The following MAGI1 variants were observed in gnomAD, a reference collection of about 807,000 sequenced individuals.
The protein encoded by MAGI1 is membrane-associated guanylate kinase, WW and PDZ domain-containing protein 1.
A neutral mutation model predicts 139.9 loss-of-function variants in MAGI1; 58 were observed. The observed-to-expected ratio is 0.41, with a 90% CI of 0.34 to 0.52. The LOEUF (loss-of-function observed/expected upper bound fraction) is 0.52, where lower values mean the gene tolerates loss of function less well. MAGI1 is among the 20% of genes least tolerant of loss of function. MAGI1 has a pLI of 0.12. For missense variants in MAGI1, 1,874 were observed against 1,901.6 expected (o/e 0.99, Z 0.27); for synonymous variants, 812 against 737.9 (o/e 1.10, Z -1.63).
At chr3:65,883,602 A>C (rs1400328656) in intron 1 of MAGI1, among the ~76,000 whole-genome samples, 2 of 152,228 alleles carry the variant, frequency 1.3e-5, no homozygotes, top group African/African-American at 4.8e-5. Context: ...ATTAATATTC[A>C]CAAGTTTCAG....
rs774033144 is a variant in MAGI1 at position 65,375,822 on chromosome 3, T to C, written c.3119A>G (p.Asn1040Ser). ...GTTCACAATGTCTGAATGGGATTTG[T>C]TGGTGATGGAACATCCATTTACTGC... is the stretch of plus-strand genomic sequence containing the variant. ...ILAVNGCSITNKSHSDIVNLI... is the reference protein window; with the variant it reads ...ILAVNGCSITSKSHSDIVNLI... Residue 1040 changes from asparagine to serine, a missense_variant, in exon 18 of 23, where the codon AAC (asparagine) becomes AGC (serine). Physicochemically the swap from Asn to Ser is conservative, Grantham distance 46. Transcript: ENST00000402939. 4 of 1,614,134 alleles carry C rather than the reference T, an allele frequency of 2.5e-6. No homozygotes were observed. The highest frequency in any genetic ancestry group is 2.2e-5 in the East Asian group (1 of 44,880).
chr3:65,815,266 A>AAC (rs1170366225), intron 1 of MAGI1, among the ~76,000 whole-genome samples: 1 of 152,226 alleles, frequency 6.6e-6, no homozygotes, highest in Non-Finnish European at 1.5e-5. Flanking sequence ...GCCTGGGGCC[A>AAC]ACACACGGTT....
At chr3:65,929,775 C>T (rs1311841996) in intron 1 of MAGI1, among the ~76,000 whole-genome samples, 1 of 152,028 alleles carries the variant, frequency 6.6e-6, no homozygotes, top group Non-Finnish European at 1.5e-5. Flanking sequence ...AACAAAAGGG[C>T]CTCAAAGAGC....
intron 2 of MAGI1, among the ~76,000 whole-genome samples, chr3:65,590,577 G>T (rs2081923126): frequency 6.6e-6 from 1 of 152,254 alleles, no homozygotes; most frequent in African/African-American, 2.4e-5. Context: ...CCCTTTTAAA[G>T]GAGATGTACT....
At chr3:65,620,718 ACCT>A (rs1250330549) in intron 2 of MAGI1, among the ~76,000 whole-genome samples, 1 of 152,120 alleles carries the variant, frequency 6.6e-6, no homozygotes. Context: ...CATCATCACA[ACCT>A]CCTCTCCGTC....
chr3:66,012,911 T>C (rs1207330432), intron 1 of MAGI1, among the ~76,000 whole-genome samples: 1 of 152,174 alleles, frequency 6.6e-6, no homozygotes, highest in Non-Finnish European at 1.5e-5. Flanking sequence ...CCATCCCCAT[T>C]TCCTCTAGGG....
intron 12 of MAGI1, among the ~76,000 whole-genome samples, chr3:65,427,467 G>A (rs897916952): frequency 6.6e-6 from 1 of 152,116 alleles, no homozygotes; most frequent in African/African-American, 2.4e-5. Context: ...TGAATCTAAT[G>A]GGATAATAAA....
intron 1 of MAGI1, among the ~76,000 whole-genome samples, chr3:65,945,039 A>G (rs1356683771): frequency 1.3e-5 from 2 of 152,212 alleles, no homozygotes; most frequent in African/African-American, 4.8e-5. Context: ...ATGAAAAGCA[A>G]CAAGGAAATT....
In MAGI1 at chr3:65,458,805, T is replaced by G. The variant is rs145122385; in HGVS notation, c.960-5465A>C. On this transcript the variant is annotated intron_variant, in intron 5 of 22. Coordinates refer to ENST00000402939, the MANE Select transcript of MAGI1 (RefSeq NM_001033057.2). ...TTTTCTGTGCAGAAGCTTTTTAACT[T>G]GATGTGATCCCATTTGTCCATTTTG... 4.8e-3 allele frequency among the ~76,000 whole-genome samples: 734 copies of G among 152,292 alleles called. 4 individuals are homozygous for G. Among genetic ancestry groups the G allele is most frequent in the African/African-American group, 0.017 (704 of 41,568 alleles).
chr3:65,695,960 C>T (rs967169934), intron 1 of MAGI1, among the ~76,000 whole-genome samples: 6 of 152,186 alleles, frequency 3.9e-5, no homozygotes, highest in African/African-American at 1.4e-4. Flanking sequence ...GCCAGAATGA[C>T]CCTCCCAAAG....
chr3:65,798,827 GT>G lies in MAGI1; in HGVS notation c.314-176740del, dbSNP rs2040325199. On this transcript the variant is annotated intron_variant, in intron 1 of 22. Transcript: ENST00000402939. ...TAAATCATGCACCGTCCTGAGTGAT[GT>G]GATGAAATCTCTCACCATTCCACTG... is the stretch of plus-strand genomic sequence containing the variant. Among the ~76,000 whole-genome samples the G allele has an allele frequency of 2.0e-5, 3 of 152,312 alleles. No homozygotes were observed. In the South Asian group the frequency reaches 6.2e-4, roughly 32 times the overall value.
intron 1 of MAGI1, among the ~76,000 whole-genome samples, chr3:65,921,785 T>C (rs537115066): frequency 1.1e-4 from 17 of 151,810 alleles, no homozygotes; most frequent in Non-Finnish European, 2.2e-4. Flanking sequence ...TAGTAAAAGT[T>C]AAAGGAACAC....
At chr3:65,628,745 T>C (rs1016805077) in intron 1 of MAGI1, among the ~76,000 whole-genome samples, 1 of 152,162 alleles carries the variant, frequency 6.6e-6, no homozygotes, top group Non-Finnish European at 1.5e-5. Flanking sequence ...ACTAACTCTT[T>C]TCTGCACATT....
At position 65,852,115 on chromosome 3, in the gene MAGI1, C is replaced by G. The variant is rs545969421; in HGVS notation, c.313+185881G>C. On this transcript the variant is annotated intron_variant, in intron 1 of 22. Coordinates refer to ENST00000402939, the MANE Select transcript of MAGI1 (RefSeq NM_001033057.2). ...CAAACCAGGAAGATATCTGGTAGGG[C>G]TGTAAACAGCCTAAATACCAAGCAA... 2.0e-5 allele frequency among the ~76,000 whole-genome samples: 3 copies of G among 152,314 alleles called. No individual in the cohort carries two copies. In the East Asian group the frequency reaches 5.8e-4, roughly 29 times the overall value.
At chr3:65,749,352 GT>G (rs2035956184) in intron 1 of MAGI1, among the ~76,000 whole-genome samples, 1 of 152,156 alleles carries the variant, frequency 6.6e-6, no homozygotes, top group Non-Finnish European at 1.5e-5. Flanking sequence ...ACCAAAATCA[GT>G]TGCAAAACTG....
At chr3:65,638,810 T>C (rs1456817626) in intron 1 of MAGI1, among the ~76,000 whole-genome samples, 1 of 151,978 alleles carries the variant, frequency 6.6e-6, no homozygotes, top group African/African-American at 2.4e-5. Flanking sequence ...TTTCACCATG[T>C]TGGCCAGGCT....
At chr3:65,380,004 A>T (rs541064471) in intron 16 of MAGI1, among the ~76,000 whole-genome samples, 7 of 152,206 alleles carry the variant, frequency 4.6e-5, no homozygotes, top group Non-Finnish European at 8.8e-5. Context: ...TCACATTTCC[A>T]CCCAGCTTTT....
chr3:65,774,746 A>T (rs1011749147), intron 1 of MAGI1, among the ~76,000 whole-genome samples: 4 of 152,194 alleles, frequency 2.6e-5, no homozygotes, highest in Non-Finnish European at 5.9e-5. Context: ...TTTAAGTAAG[A>T]GGAAAACAAG....
chr3:65,534,123 A>G (rs570207360), intron 2 of MAGI1, among the ~76,000 whole-genome samples: 28 of 152,230 alleles, frequency 1.8e-4, no homozygotes, highest in Non-Finnish European at 3.1e-4. Flanking sequence ...GTGAGAGAAT[A>G]AATGTTTGTT....
Sources: allele counts gnomAD v4.1 joint callset (sites outside exome capture counted in the v4.1 genomes callset), GRCh38; gene constraint gnomAD v4.1.1; transcripts MANE v1.5; gene names NCBI Gene and HGNC (gene_info 2026-07-23, HGNC 2026-07-21).